Variants in TYRP1 observed in about 807,000 individuals in gnomAD.
TYRP1 encodes 5,6-dihydroxyindole-2-carboxylic acid oxidase.
TYRP1 carries 49 observed loss-of-function variants against 42.8 expected under a neutral mutation model. That is an observed-to-expected ratio of 1.14 (90% confidence interval 0.91 to 1.45). The LOEUF (loss-of-function observed/expected upper bound fraction) is 1.45. Among genes scored for constraint, TYRP1 ranks in the 40% most tolerant of loss-of-function variants. The pLI, the probability that TYRP1 is intolerant of heterozygous loss-of-function variation, is 0.00. For synonymous variants in TYRP1, 279 were observed against 235.4 expected (o/e 1.19, Z -1.69); for missense variants, 848 against 662.0 (o/e 1.28, Z -3.08).
At chr9:12,707,567 G>A in intron 6 of TYRP1, 2 of 177,540 alleles carry the variant, frequency 1.1e-5, no homozygotes, top group Non-Finnish European at 2.3e-5. Flanking sequence ...AGTAGAGTGG[G>A]GTCTGGGGAG....
chr9:12,700,729 T>G (rs1311806000), intron 4 of TYRP1: 1 of 152,106 alleles, frequency 6.6e-6, no homozygotes, highest in East Asian at 1.9e-4. Context: ...GAATGTAATG[T>G]TTTGAAACTC....
At chr9:12,704,127 C>G (rs541262418) in intron 5 of TYRP1, among the ~76,000 whole-genome samples, 2 of 151,980 alleles carry the variant, frequency 1.3e-5, no homozygotes, top group Admixed American at 6.6e-5. Flanking sequence ...CATCTGGCAA[C>G]TTAAGTTCCA....
rs1217437060 is a variant in TYRP1, at chr9:12,695,707, A to G, written c.578A>G (p.Tyr193Cys). 8 of 1,614,050 alleles carry G rather than the reference A, an allele frequency of 5.0e-6. No individual in the cohort carries two copies. The highest frequency in any genetic ancestry group is 6.8e-6 in the Non-Finnish European group (8 of 1,180,034). ...SIYNYFVWTH[Y>C]YSVKKTFLGV... ...TATAACTACTTTGTTTGGACACACT[A>G]TTACTCAGTCAAAAAGACTTTCCTT... Residue 193 changes from tyrosine (Y) to cysteine (C), a missense_variant, in exon 3 of 8, where the codon TAT (tyrosine) becomes TGT (cysteine). Transcript: ENST00000388918.
chr9:12,695,832 A>C lies in TYRP1; in HGVS notation c.703A>C (p.Met235Leu), dbSNP rs1328038290. Residue 235 changes from methionine to leucine, a missense_variant, in exon 3 of 8, where the codon ATG becomes CTG. Transcript: ENST00000388918. ...CCACCTCCTGCGTCTGGAGAAAGACATGCAGGTATGTAAGAAGCATTTCAG... is the reference window on the plus strand; with the variant it reads ...CCACCTCCTGCGTCTGGAGAAAGACCTGCAGGTATGTAAGAAGCATTTCAG... ...RYHLLRLEKD[M>L]QEMLQEPSFS... The C allele has an allele frequency of 1.9e-6, 3 of 1,613,920 alleles. No homozygotes were observed. Among genetic ancestry groups the C allele is most frequent in the South Asian group, 2.2e-5 (2 of 91,094 alleles).
Position 12,709,374 on chromosome 9 carries a change from T to A in TYRP1, c.*192T>A, listed in dbSNP as rs1818319170. ...CAGAATCTTTTCAATGGGTTTTAAT[T>A]TTCAGTTCTATTTAAAATGGTGAAT... On this transcript the variant is annotated 3_prime_UTR_variant, in exon 8 of 8. Coordinates refer to ENST00000388918, the MANE Select transcript of TYRP1 (RefSeq NM_000550.3). The A allele has an allele frequency of 2.6e-5, 16 of 609,896 alleles. No individual in the cohort carries two copies. In the South Asian group the frequency reaches 3.1e-4, roughly 12 times the overall value. 37.8% of individuals were successfully genotyped at this position (609,896 alleles called of 1,614,324 possible). A position where few individuals can be genotyped will look rare whatever the true frequency, so the allele number is the denominator to read the frequency against.
At chr9:12,707,762 C>T (rs1818281811) in intron 6 of TYRP1, 1 of 417,206 alleles carries the variant, frequency 2.4e-6, no homozygotes, top group Admixed American at 4.1e-5. Flanking sequence ...TAAAACTCCC[C>T]TGCTTTTAAA....
rs1818254247 is a variant in TYRP1 at position 12,706,118 on chromosome 9, A to G, written c.1261+1413A>G. Among the ~76,000 whole-genome samples, 4 of 152,012 alleles carry G rather than the reference A, an allele frequency of 2.6e-5. No individual in the cohort carries two copies. The South Asian group carries it at 8.3e-4, about 31-fold the overall frequency. Reference sequence around the variant, plus strand: ...GACCACTTTATGTTTGTTTAACTAGATTACTTTTATTACAGTAATGAGTAA... The same window carrying G: ...GACCACTTTATGTTTGTTTAACTAGGTTACTTTTATTACAGTAATGAGTAA... On this transcript the variant is annotated intron_variant, in intron 6 of 7. Transcript: ENST00000388918.
chr9:12,702,406 A>G lies in TYRP1; in HGVS notation c.1049A>G (p.Asn350Ser). The change falls in exon 5 of 8, where the codon AAC becomes AGC. Residue 350 changes from asparagine (N) to serine (S), a missense_variant. Transcript: ENST00000388918. ...TTTGACACGCCTCCTTTTTATTCCA[A>G]CTCTACAAACAGTTTCCGAAACACA... ...GLFDTPPFYS[N>S]STNSFRNTVE... is the part of the protein sequence containing the mutation. 3 of 1,612,826 alleles carry G rather than the reference A, an allele frequency of 1.9e-6. No individual in the cohort carries two copies. Among genetic ancestry groups the G allele is most frequent in the Non-Finnish European group, 2.5e-6 (3 of 1,179,332 alleles).
intron 4 of TYRP1, among the ~76,000 whole-genome samples, chr9:12,699,308 C>T (rs1388718997): frequency 6.6e-6 from 1 of 151,938 alleles, no homozygotes; most frequent in Non-Finnish European, 1.5e-5. Context: ...ATGTAGATCT[C>T]TTCCTGAGCT....
chr9:12,697,450 A>G lies in TYRP1; in HGVS notation c.709-1001A>G, dbSNP rs905235213. Among the ~76,000 whole-genome samples the G allele has an allele frequency of 2.8e-4, 43 of 152,136 alleles. 2 individuals carry two copies. Among genetic ancestry groups the G allele is most frequent in the Non-Finnish European group, 1.5e-5 (1 of 68,010 alleles). On this transcript the variant is annotated intron_variant, in intron 3 of 7. Coordinates refer to ENST00000388918, the MANE Select transcript of TYRP1 (RefSeq NM_000550.3). Reference sequence around the variant, plus strand: ...CAATGATGGCTTCTAAAGGAGGACTACAAACCCCTGGAGACCAATAACTGG... The same window carrying G: ...CAATGATGGCTTCTAAAGGAGGACTGCAAACCCCTGGAGACCAATAACTGG...
intron 4 of TYRP1, 98 bp from the exon 5 acceptor site, chr9:12,702,173 C>G: frequency 1.5e-6 from 2 of 1,302,458 alleles, no homozygotes; most frequent in Non-Finnish European, 2.2e-6. Flanking sequence ...CAAGGAAAAC[C>G]TATATTTCAT....
At chr9:12,696,762 G>C (rs1818085553) in intron 3 of TYRP1, among the ~76,000 whole-genome samples, 1 of 152,050 alleles carries the variant, frequency 6.6e-6, no homozygotes, top group South Asian at 2.1e-4. Flanking sequence ...TAAAATAAAA[G>C]TTTAAGTTGT....
In TYRP1 at chr9:12,695,589, A is replaced by G. The variant is rs753198294; in HGVS notation, c.460A>G (p.Thr154Ala). ...FVRALDMAKR[T>A]THPLFVIATR... is the part of the protein sequence containing the mutation. Reference sequence around the variant, plus strand: ...CCGGGCCCTGGATATGGCAAAGCGCACAACTCACCCTTTATTTGTCATTGC... The same window carrying G: ...CCGGGCCCTGGATATGGCAAAGCGCGCAACTCACCCTTTATTTGTCATTGC... The change falls in exon 3 of 8, where the codon ACA (threonine) becomes GCA (alanine). Residue 154 changes from threonine (T) to alanine (A), a missense_variant. Physicochemically the swap from Thr to Ala is moderately conservative, Grantham distance 58. Coordinates refer to ENST00000388918, the MANE Select transcript of TYRP1 (RefSeq NM_000550.3). 1 of 1,614,180 alleles carries G rather than the reference A, an allele frequency of 6.2e-7. No homozygotes were observed.
chr9:12,695,056 G>A (rs7874938), intron 2 of TYRP1, among the ~76,000 whole-genome samples: 1 of 152,024 alleles, frequency 6.6e-6, no homozygotes, highest in Non-Finnish European at 1.5e-5. Context: ...TGTAAAGCAA[G>A]TATTATTTTT....
intron 4 of TYRP1, 121 bp from the exon 5 acceptor site, chr9:12,702,150 T>TTTTC: frequency 1.9e-6 from 2 of 1,061,478 alleles, no homozygotes; most frequent in Non-Finnish European, 2.7e-6. Flanking sequence ...CATTTTTAAA[T>TTTTC]TTTCTTTTCT....
chr9:12,702,108 T>A (rs1818178714), intron 4 of TYRP1, among the ~76,000 whole-genome samples, 163 bp from the exon 5 acceptor site: 1 of 152,068 alleles, frequency 6.6e-6, no homozygotes, highest in Admixed American at 6.6e-5. Context: ...CATGGTAACT[T>A]AGATTTTCTC....
Position 12,709,285 on chromosome 9 carries a change from C to A in TYRP1, c.*103C>A. On this transcript the variant is annotated 3_prime_UTR_variant, in exon 8 of 8. Transcript: ENST00000388918. ...TTTCTTTCACTTTATTACCTTCTTT[C>A]TAATACAAGCATATGTTAGCATTAA... 1 of 1,163,010 alleles carries A rather than the reference C, an allele frequency of 8.6e-7. No individual in the cohort carries two copies. Among genetic ancestry groups the A allele is most frequent in the Non-Finnish European group, 1.3e-6 (1 of 786,640 alleles). The allele number at this position is 1,163,010 out of a possible 1,614,324, so 72.0% of individuals were successfully genotyped here. A position where few individuals can be genotyped will look rare whatever the true frequency, so the allele number is the denominator to read the frequency against.
Position 12,704,630 on chromosome 9 carries a change from A to C in TYRP1, c.1186A>C (p.Asn396His), listed in dbSNP as rs765833423. The C allele has an allele frequency of 1.2e-6, 2 of 1,613,058 alleles. No individual in the cohort carries two copies. The highest frequency in any genetic ancestry group is 2.2e-5 in the East Asian group (1 of 44,846). The change falls in exon 6 of 8, where the codon AAT (asparagine) becomes CAT (histidine). Residue 396 changes from asparagine (N) to histidine (H), a missense_variant. Transcript: ENST00000388918. ...AGGGGGACAAACCCATTTGTCTCCA[A>C]ATGATCCTATTTTTGTCCTCCTGCA... ...GTGGQTHLSP[N>H]DPIFVLLHTF...
intron 2 of TYRP1, among the ~76,000 whole-genome samples, chr9:12,695,019 T>A (rs1818053078): frequency 6.6e-6 from 1 of 152,176 alleles, no homozygotes; most frequent in African/African-American, 2.4e-5. Flanking sequence ...TTGCTTTTTA[T>A]GTGTGTGGTC....
Sources: allele counts gnomAD v4.1 joint callset (sites outside exome capture counted in the v4.1 genomes callset), GRCh38; gene constraint gnomAD v4.1.1; transcripts MANE v1.5; gene names NCBI Gene and HGNC (gene_info 2026-07-23, HGNC 2026-07-21).